The following SLC43A2 variants were observed in gnomAD, a reference collection of about 807,000 sequenced individuals.
SLC43A2 encodes large neutral amino acids transporter small subunit 4.
Under a neutral mutation model 63.2 loss-of-function variants are expected in SLC43A2, and 38 were observed. That is an observed-to-expected ratio of 0.60 (90% CI 0.46 to 0.79). SLC43A2 has a LOEUF of 0.79. SLC43A2 is among the 30% of genes least tolerant of loss of function. The pLI, the probability that SLC43A2 is intolerant of heterozygous loss-of-function variation, is 0.00. For synonymous variants in SLC43A2, 322 were observed against 331.0 expected, an observed-to-expected ratio of 0.97 and a Z score of 0.30; for missense variants, 644 against 756.2, an observed-to-expected ratio of 0.85 and a Z score of 1.74.
At chr17:1,597,750 G>A (rs1259342722) in intron 5 of SLC43A2, among the ~76,000 whole-genome samples, 1 of 151,718 alleles carries the variant, frequency 6.6e-6, no homozygotes, top group African/African-American at 2.4e-5. Flanking sequence ...AGTGAGTCAA[G>A]ATATCGCCAC....
chr17:1,598,055 A>G (rs1445618523), intron 5 of SLC43A2, among the ~76,000 whole-genome samples: 1 of 152,230 alleles, frequency 6.6e-6, no homozygotes, highest in African/African-American at 2.4e-5. Context: ...GAGAATGCAA[A>G]TATTTGTTCT....
intron 6 of SLC43A2, among the ~76,000 whole-genome samples, chr17:1,592,063 C>T (rs373034428): frequency 2.6e-4 from 39 of 152,208 alleles, no homozygotes; most frequent in African/African-American, 7.5e-4. Flanking sequence ...TCCCTGAAGG[C>T]GGGAACCGGC....
Position 1,616,884 on chromosome 17 carries a change from C to T in SLC43A2, c.161-115G>A, listed in dbSNP as rs555556243. The stretch of plus-strand genomic sequence containing the variant: ...CACTGGGAATGCCAGGGCTGGCTGG[C>T]GGCCTCTCGAGGGCTCAGGCTACCC... On this transcript the variant is annotated intron_variant, in intron 2 of 13. Coordinates refer to ENST00000301335, the MANE Select transcript of SLC43A2 (RefSeq NM_152346.3). 3.3e-5 allele frequency: 42 copies of T among 1,257,936 alleles called. No homozygotes were observed. In the South Asian group the frequency reaches 3.7e-4, roughly 11 times the overall value. 77.9% of individuals were successfully genotyped at this position (1,257,936 alleles called of 1,614,324 possible).
chr17:1,591,523 G>A (rs749404624), intron 7 of SLC43A2, 43 bp downstream of exon 7: 4 of 1,606,818 alleles, frequency 2.5e-6, no homozygotes, highest in South Asian at 2.2e-5. Flanking sequence ...CCGGCTGGGG[G>A]GCGGGGGCTG....
At chr17:1,586,928 T>TCCCC in intron 9 of SLC43A2, 4 of 1,232,916 alleles carry the variant, frequency 3.2e-6, no homozygotes, top group Admixed American at 4.5e-5. Context: ...TCCCTGACAA[T>TCCCC]CCCCCCCACC....
chr17:1,587,126 C>T (rs947295022), intron 9 of SLC43A2, among the ~76,000 whole-genome samples: 5 of 152,272 alleles, frequency 3.3e-5, no homozygotes, highest in African/African-American at 7.2e-5. Flanking sequence ...AAGCGTGACT[C>T]GGGGCGCTCA....
intron 2 of SLC43A2, among the ~76,000 whole-genome samples, chr17:1,617,073 T>C (rs1452294304): frequency 1.3e-5 from 2 of 152,230 alleles, no homozygotes; most frequent in Non-Finnish European, 2.9e-5. Flanking sequence ...TGTGTGTCCC[T>C]TGAAGAGCAA....
At position 1,573,418 on chromosome 17, in the gene SLC43A2, G is replaced by C. The variant is rs912269227; in HGVS notation, c.*2186C>G. On this transcript the variant is annotated 3_prime_UTR_variant, in exon 14 of 14. Transcript: ENST00000301335. ...GCTCTGATGGTTCGAGCCGTTCCTCGGCAGCACAGCACACCCGCTCCTGAG... is the reference window on the plus strand; with the variant it reads ...GCTCTGATGGTTCGAGCCGTTCCTCCGCAGCACAGCACACCCGCTCCTGAG... 6.6e-6 allele frequency: 1 copy of C among 152,246 alleles called. No homozygotes were observed. The highest frequency in any genetic ancestry group is 2.4e-5 in the African/African-American group (1 of 41,436). 9.4% of individuals were successfully genotyped at this position (152,246 alleles called of 1,614,324 possible).
At chr17:1,581,812 T>G (rs916229043) in intron 11 of SLC43A2, among the ~76,000 whole-genome samples, 5 of 151,780 alleles carry the variant, frequency 3.3e-5, no homozygotes, top group Non-Finnish European at 7.4e-5. Context: ...TTCAGTTTTT[T>G]TTTTTTTTTT....
chr17:1,575,679 C>G lies in SLC43A2; in HGVS notation c.1635G>C (p.Gln545His). The G allele has an allele frequency of 6.2e-7, 1 of 1,614,156 alleles. No homozygotes were observed. Reference sequence around the variant, plus strand: ...TGTCATCCTCCTGCCTCTGCTGCAGCTGCCGCTCCAGCTGGCGCCGGTAGC... The same window carrying G: ...TGTCATCCTCCTGCCTCTGCTGCAGGTGCCGCTCCAGCTGGCGCCGGTAGC... Reference protein sequence around the residue: ...LICYRRQLERQLQQRQEDDKL... With the variant: ...LICYRRQLERHLQQRQEDDKL... The change falls in exon 14 of 14, where the codon CAG becomes CAC. Residue 545 changes from glutamine to histidine, a missense_variant. Gln to His is a conservative substitution (Grantham distance 24). Coordinates refer to ENST00000301335, the MANE Select transcript of SLC43A2 (RefSeq NM_152346.3).
In SLC43A2 at chr17:1,593,423, G is replaced by T. The variant is rs960147242; in HGVS notation, c.502-144C>A. The T allele has an allele frequency of 8.4e-6, 6 of 718,066 alleles. No homozygotes were observed. Among genetic ancestry groups the T allele is most frequent in the Non-Finnish European group, 1.2e-5 (5 of 416,190 alleles). The allele number at this position is 718,066 out of a possible 1,614,324, so 44.5% of individuals were successfully genotyped here. ...GACTCACAGGGGCATTAGTTCAGGG[G>T]CAATGACCGCTCACTGAAGGTTTCT... On this transcript the variant is annotated intron_variant, in intron 5 of 13. Coordinates refer to ENST00000301335, the MANE Select transcript of SLC43A2 (RefSeq NM_152346.3). The surrounding 1 kb of genome is among the most constrained non-coding windows in gnomAD (Gnocchi z 5.3).
chr17:1,613,752 C>T (rs990370805), intron 4 of SLC43A2, among the ~76,000 whole-genome samples: 1 of 152,178 alleles, frequency 6.6e-6, no homozygotes, highest in South Asian at 2.1e-4. Context: ...TTGCCTATTT[C>T]ACAAAGCGTG....
Position 1,593,484 on chromosome 17 carries a change from A to C in SLC43A2, c.502-205T>G, listed in dbSNP as rs757386538. 6.6e-6 allele frequency among the ~76,000 whole-genome samples: 1 copy of C among 151,960 alleles called. No individual in the cohort carries two copies. The highest frequency in any genetic ancestry group is 1.5e-5 in the Non-Finnish European group (1 of 67,982). ...CTGAGGCTGATGGGGCCAAGGAGGG[A>C]GGTAATGCAGAATACAAGCAGTTGT... On this transcript the variant is annotated intron_variant, in intron 5 of 13. Coordinates refer to ENST00000301335, the MANE Select transcript of SLC43A2 (RefSeq NM_152346.3). This position sits in a 1 kb window ranked among gnomAD's most constrained non-coding sequence, Gnocchi z 5.3.
rs1293425235 is a variant in SLC43A2 at position 1,575,464 on chromosome 17, G to C, written c.*140C>G. 8 of 1,129,078 alleles carry C rather than the reference G, an allele frequency of 7.1e-6. No individual in the cohort carries two copies. The highest frequency in any genetic ancestry group is 1.0e-5 in the Non-Finnish European group (8 of 774,616). 69.9% of individuals were successfully genotyped at this position (1,129,078 alleles called of 1,614,324 possible). ...CCGTCCTTCCACCACAGAGCTCCGAGGCAGGGCCCCGGGAGGGAGCGTGAA... is the reference window on the plus strand; with the variant it reads ...CCGTCCTTCCACCACAGAGCTCCGACGCAGGGCCCCGGGAGGGAGCGTGAA... On this transcript the variant is annotated 3_prime_UTR_variant, in exon 14 of 14. Coordinates refer to ENST00000301335, the MANE Select transcript of SLC43A2 (RefSeq NM_152346.3).
At chr17:1,621,287 C>T (rs534093841) in intron 2 of SLC43A2, among the ~76,000 whole-genome samples, 1 of 152,276 alleles carries the variant, frequency 6.6e-6, no homozygotes, top group Admixed American at 6.5e-5. Context: ...CAAGATGATG[C>T]TTGAGGGGGC....
chr17:1,629,882 C>CG (rs1442188514), upstream of SLC43A2, among the ~76,000 whole-genome samples: 1 of 152,244 alleles, frequency 6.6e-6, no homozygotes, highest in Non-Finnish European at 1.5e-5. Context: ...TAACCCGACC[C>CG]GGGAAGACCC....
chr17:1,575,470 GC>G lies in SLC43A2; in HGVS notation c.*133del, dbSNP rs1353247829. ...TTCCACCACAGAGCTCCGAGGCAGG[GC>G]CCCGGGAGGGAGCGTGAACGCTGGC... is the stretch of plus-strand genomic sequence containing the variant. On this transcript the variant is annotated 3_prime_UTR_variant, in exon 14 of 14. Coordinates refer to ENST00000301335, the MANE Select transcript of SLC43A2 (RefSeq NM_152346.3). 2.5e-6 allele frequency: 3 copies of G among 1,181,950 alleles called. No homozygotes were observed. Among genetic ancestry groups the G allele is most frequent in the Non-Finnish European group, 3.7e-6 (3 of 818,144 alleles). The allele number at this position is 1,181,950 out of a possible 1,614,324, so 73.2% of individuals were successfully genotyped here. A position where few individuals can be genotyped will look rare whatever the true frequency, so the allele number is the denominator to read the frequency against.
At chr17:1,601,023 T>G (rs1905959100) in intron 5 of SLC43A2, among the ~76,000 whole-genome samples, 1 of 151,770 alleles carries the variant, frequency 6.6e-6, no homozygotes, top group African/African-American at 2.4e-5. Flanking sequence ...CTCCATAGGG[T>G]TGTTGTGGTA....
chr17:1,588,770 A>C (rs556611294), intron 9 of SLC43A2, among the ~76,000 whole-genome samples: 1 of 151,756 alleles, frequency 6.6e-6, no homozygotes, highest in South Asian at 2.1e-4. Flanking sequence ...GGTTTCCCTG[A>C]ATCCGCAACT....
Sources: allele counts gnomAD v4.1 joint callset (sites outside exome capture counted in the v4.1 genomes callset), GRCh38; gene constraint gnomAD v4.1.1; non-coding constraint Gnocchi (gnomAD v3.1); transcripts MANE v1.5; gene names NCBI Gene and HGNC (gene_info 2026-07-23, HGNC 2026-07-21).